Variants in SARM1 observed in about 807,000 individuals in gnomAD.
SARM1 encodes the protein sterile alpha and TIR motif containing 1, also known as NAD(+) hydrolase SARM1.
In SARM1, 60 loss-of-function variants were observed where a neutral mutation model predicts 65.1. The ratio of observed to expected loss-of-function variants is 0.92; its 90% CI spans 0.75 to 1.14. SARM1 has a LOEUF of 1.14. Among genes scored for constraint, SARM1 ranks in the 50% most tolerant of loss-of-function variants. SARM1 has a pLI of 0.00. For synonymous variants in SARM1, 417 were observed against 465.4 expected, an observed-to-expected ratio of 0.90 and a Z score of 1.34; for missense variants, 913 against 1,015.7, an observed-to-expected ratio of 0.90 and a Z score of 1.37.
At chr17:28,389,138 A>G (rs1555586563) in intron 7 of SARM1, among the ~76,000 whole-genome samples, 1 of 152,236 alleles carries the variant, frequency 6.6e-6, no homozygotes, top group African/African-American at 2.4e-5. Context: ...AGAATGGAAT[A>G]GTTGTTGAGA....
At position 28,381,269 on chromosome 17, in the gene SARM1, G is replaced by C. The variant is rs781870467; in HGVS notation, c.537G>C (p.Glu179Asp). 1.2e-6 allele frequency: 2 copies of C among 1,610,074 alleles called. No individual in the cohort carries two copies. The highest frequency in any genetic ancestry group is 1.3e-5 in the African/African-American group (1 of 75,024). The change falls in exon 2 of 9, where the codon GAG (glutamate) becomes GAC (aspartate). Residue 179 changes from glutamate to aspartate, a missense_variant. Physicochemically the swap from Glu to Asp is conservative, Grantham distance 45. Transcript: ENST00000585482. ...LNLAKEREPVELARSVAGILE... is the reference protein window; with the variant it reads ...LNLAKEREPVDLARSVAGILE... ...TGGCGAAGGAACGCGAACCCGTAGA[G>C]CTGGCGCGGAGCGTGGCAGGCATCT...
At chr17:28,388,033 C>T (rs1023383766) in intron 5 of SARM1, 141 bp from the exon 6 acceptor site, 5 of 664,184 alleles carry the variant, frequency 7.5e-6, no homozygotes, top group African/African-American at 7.2e-5. Flanking sequence ...CCCCATTTCT[C>T]CTTTTTGGGG....
Position 28,399,975 on chromosome 17 carries a change from C to T in SARM1, c.*3689C>T. On this transcript the variant is annotated 3_prime_UTR_variant, in exon 9 of 9. Coordinates refer to ENST00000585482, the MANE Select transcript of SARM1 (RefSeq NM_015077.4). Reference sequence around the variant, plus strand: ...GTGACATAATCATAGCTCACTGTACCCTTGAACTCCTGGGCTCAAGTGATC... The same window carrying T: ...GTGACATAATCATAGCTCACTGTACTCTTGAACTCCTGGGCTCAAGTGATC... The T allele has an allele frequency of 2.2e-6, 1 of 459,016 alleles. No homozygotes were observed. Among genetic ancestry groups the T allele is most frequent in the Non-Finnish European group, 4.0e-6 (1 of 250,256 alleles). 28.4% of individuals were successfully genotyped at this position (459,016 alleles called of 1,614,324 possible).
In SARM1 at chr17:28,384,675, TG is replaced by T; in HGVS notation, c.1302+111del. The stretch of plus-strand genomic sequence containing the variant: ...AATCCCGCGGCGCCAGGGTCGCTTT[TG>T]GGGGCGGGGAGCCTGTACGCAGCCA... On this transcript the variant is annotated intron_variant, in intron 3 of 8. Transcript: ENST00000585482. The surrounding 1 kb of genome is among the most constrained non-coding windows in gnomAD (Gnocchi z 4.4). The T allele has an allele frequency of 7.5e-7, 1 of 1,324,648 alleles. No individual in the cohort carries two copies. The highest frequency in any genetic ancestry group is 1.0e-6 in the Non-Finnish European group (1 of 965,568). 82.1% of individuals were successfully genotyped at this position (1,324,648 alleles called of 1,614,324 possible).
At chr17:28,381,851 A>T (rs1202857732) in intron 2 of SARM1, 30 bp downstream of exon 2, 2 of 1,407,462 alleles carry the variant, frequency 1.4e-6, no homozygotes, top group Non-Finnish European at 1.8e-6. Flanking sequence ...TGGGTGGATC[A>T]GGGGTTAGAG....
Position 28,402,081 on chromosome 17 carries a change from G to A in SARM1, c.*5795G>A, listed in dbSNP as rs1567816737. ...AAGGTGGCATGATCCTCTGCCCATT[G>A]TGGGCAATTTCACAGAAATGTGTTT... is the stretch of plus-strand genomic sequence containing the variant. On this transcript the variant is annotated 3_prime_UTR_variant, in exon 9 of 9. Transcript: ENST00000585482. The A allele has an allele frequency of 6.5e-6, 4 of 615,778 alleles. No homozygotes were observed. Among genetic ancestry groups the A allele is most frequent in the Non-Finnish European group, 1.1e-5 (4 of 358,220 alleles). 38.1% of individuals were successfully genotyped at this position (615,778 alleles called of 1,614,324 possible). A position where few individuals can be genotyped will look rare whatever the true frequency, so the allele number is the denominator to read the frequency against.
chr17:28,387,956 T>C lies in SARM1; in HGVS notation c.1631-218T>C, dbSNP rs548942469. ...AGGGCTGGAAGTGCATGCATATCAA[T>C]GTCCCTAGAACACAGTGCCTGCCTC... On this transcript the variant is annotated intron_variant, in intron 5 of 8. Transcript: ENST00000585482. 29 of 576,620 alleles carry C rather than the reference T, an allele frequency of 5.0e-5. 1 individual carries two copies. Among genetic ancestry groups the C allele is most frequent in the South Asian group, 4.1e-4 (19 of 46,766 alleles). The allele number at this position is 576,620 out of a possible 1,614,324, so 35.7% of individuals were successfully genotyped here. A position where few individuals can be genotyped will look rare whatever the true frequency, so the allele number is the denominator to read the frequency against.
rs781822674 is a variant in SARM1, at chr17:28,396,004, G to A, written c.2023G>A (p.Val675Met). The change falls in exon 8 of 9, where the codon GTG (valine) becomes ATG (methionine). Residue 675 changes from valine to methionine, a missense_variant. Transcript: ENST00000585482. ...PQVLPEDMQAVLTFNGIKWSH... is the reference protein window; with the variant it reads ...PQVLPEDMQAMLTFNGIKWSH... Reference sequence around the variant, plus strand: ...GGTCCTGCCTGAGGACATGCAGGCTGTGCTTACTTTCAACGGTATCAAGTG... The same window carrying A: ...GGTCCTGCCTGAGGACATGCAGGCTATGCTTACTTTCAACGGTATCAAGTG... 1.2e-6 allele frequency: 2 copies of A among 1,613,936 alleles called. No homozygotes were observed. Among genetic ancestry groups the A allele is most frequent in the South Asian group, 1.1e-5 (1 of 91,082 alleles).
At chr17:28,374,846 A>C (rs559285349) in intron 1 of SARM1, among the ~76,000 whole-genome samples, 1 of 151,376 alleles carries the variant, frequency 6.6e-6, no homozygotes, top group African/African-American at 2.4e-5. Context: ...GCGTGATGGC[A>C]TGCACAGTCC....
intron 1 of SARM1, among the ~76,000 whole-genome samples, chr17:28,380,086 CTT>C (rs1315908845): frequency 1.1e-5 from 1 of 93,874 alleles, no homozygotes; most frequent in Non-Finnish European, 2.3e-5. Context: ...CTCTCTCTCT[CTT>C]TTTTTTTTTT....
rs2068038309 is a variant in SARM1 at position 28,384,267 on chromosome 17, G to A, written c.1090-90G>A. 7.3e-6 allele frequency: 8 copies of A among 1,103,328 alleles called. No homozygotes were observed. The South Asian group carries it at 1.3e-4, about 18-fold the overall frequency. 68.3% of individuals were successfully genotyped at this position (1,103,328 alleles called of 1,614,324 possible). ...AGGGCAGATGGAGAGACTTTGGGTT[G>A]TGAGAAGAGACAAGGAGAGGGACTG... On this transcript the variant is annotated intron_variant, in intron 2 of 8. Transcript: ENST00000585482. This position sits in a 1 kb window ranked among gnomAD's most constrained non-coding sequence, Gnocchi z 4.4.
chr17:28,395,643 T>C, intron 7 of SARM1: 1 of 400,884 alleles, frequency 2.5e-6, no homozygotes, highest in Non-Finnish European at 4.6e-6. Flanking sequence ...CAGTGGGGAA[T>C]CATCTCTTTA....
rs117025558 is a variant in SARM1, at chr17:28,393,560, G to A, written c.1924-2345G>A. ...GTGAGATCCTGTTCCCCTGCCCCCCGCCAAAAAAAAAAAAGAAAGAAAGAA... is the reference window on the plus strand; with the variant it reads ...GTGAGATCCTGTTCCCCTGCCCCCCACCAAAAAAAAAAAAGAAAGAAAGAA... On this transcript the variant is annotated intron_variant, in intron 7 of 8. Coordinates refer to ENST00000585482, the MANE Select transcript of SARM1 (RefSeq NM_015077.4). 9.7e-3 allele frequency among the ~76,000 whole-genome samples: 1,434 copies of A among 148,432 alleles called. 9 individuals carry two copies. Among genetic ancestry groups the A allele is most frequent in the Middle Eastern group, 0.017 (5 of 290 alleles).
At position 28,372,349 on chromosome 17, in the gene SARM1, C is replaced by G; in HGVS notation, c.317C>G (p.Pro106Arg). 2 of 1,499,268 alleles carry G rather than the reference C, an allele frequency of 1.3e-6. No homozygotes were observed. The highest frequency in any genetic ancestry group is 1.8e-6 in the Non-Finnish European group (2 of 1,130,196). 92.9% of individuals were successfully genotyped at this position (1,499,268 alleles called of 1,614,324 possible). A position where few individuals can be genotyped will look rare whatever the true frequency, so the allele number is the denominator to read the frequency against. Residue 106 changes from proline (P) to arginine (R), a missense_variant, in exon 1 of 9, where the codon CCG (proline) becomes CGG (arginine). Pro to Arg is a moderately radical substitution (Grantham distance 103). This residue lies in a region of SARM1 where 862 missense variants were observed against 952.1 expected (regional missense o/e 0.91). Transcript: ENST00000585482. The surrounding 1 kb of genome is among the most constrained non-coding windows in gnomAD (Gnocchi z 5.2). ...FQLVEEAWLL[P>R]AVGREVAQGL... Reference sequence around the variant, plus strand: ...CTGGTGGAGGAGGCCTGGCTGCTGCCGGCCGTGGGCCGCGAGGTAGCCCAG... The same window carrying G: ...CTGGTGGAGGAGGCCTGGCTGCTGCGGGCCGTGGGCCGCGAGGTAGCCCAG...
intron 6 of SARM1, 37 bp downstream of exon 6, chr17:28,388,313 G>C: frequency 2.5e-6 from 4 of 1,607,142 alleles, no homozygotes; most frequent in Non-Finnish European, 3.4e-6. Context: ...GGGGCGTGGG[G>C]ACAAGGCTGT....
Position 28,384,411 on chromosome 17 carries a change from A to G in SARM1, c.1144A>G (p.Thr382Ala). 1.2e-6 allele frequency: 2 copies of G among 1,612,600 alleles called. No homozygotes were observed. The highest frequency in any genetic ancestry group is 1.3e-5 in the African/African-American group (1 of 75,028). The change falls in exon 3 of 9, where the codon ACC (threonine) becomes GCC (alanine). Residue 382 changes from threonine to alanine, a missense_variant. Physicochemically the swap from Thr to Ala is moderately conservative, Grantham distance 58 (BLOSUM62 0). Transcript: ENST00000585482. The surrounding 1 kb of genome is among the most constrained non-coding windows in gnomAD (Gnocchi z 4.4). Reference sequence around the variant, plus strand: ...CCTGAAACGCCTGGTTTCCTACTCTACCAATGGCACTAAGTCGGCGCTGGC... The same window carrying G: ...CCTGAAACGCCTGGTTTCCTACTCTGCCAATGGCACTAAGTCGGCGCTGGC... ...QSLKRLVSYS[T>A]NGTKSALAKR...
intron 1 of SARM1, among the ~76,000 whole-genome samples, chr17:28,376,403 CAAAAAAAAAAA>C (rs58695374): frequency 1.2e-5 from 1 of 84,012 alleles, no homozygotes; most frequent in African/African-American, 4.6e-5. Flanking sequence ...ACTAAAAATA[CAAAAAAAAAAA>C]AAAAAAAAAA....
At position 28,401,022 on chromosome 17, in the gene SARM1, C is replaced by A. The variant is rs190939546; in HGVS notation, c.*4736C>A. ...TAAAAGTACATGTGATCTGACAGAA[C>A]CCAGCACATAAAAGAAAAAAAAAGT... On this transcript the variant is annotated 3_prime_UTR_variant, in exon 9 of 9. Transcript: ENST00000585482. 59 of 441,600 alleles carry A rather than the reference C, an allele frequency of 1.3e-4. No homozygotes were observed. The East Asian group carries it at 2.2e-3, about 16-fold the overall frequency. 27.4% of individuals were successfully genotyped at this position (441,600 alleles called of 1,614,324 possible). A position where few individuals can be genotyped will look rare whatever the true frequency, so the allele number is the denominator to read the frequency against.
Position 28,402,449 on chromosome 17 carries a change from G to T in SARM1, c.*6163G>T. ...TAGACCCAGGAAGAACTTCCTTGATGGTGAGGGTGGGAAGACAGTAGTCAA... is the reference window on the plus strand; with the variant it reads ...TAGACCCAGGAAGAACTTCCTTGATTGTGAGGGTGGGAAGACAGTAGTCAA... On this transcript the variant is annotated 3_prime_UTR_variant, in exon 9 of 9. Coordinates refer to ENST00000585482, the MANE Select transcript of SARM1 (RefSeq NM_015077.4). 1.4e-6 allele frequency: 1 copy of T among 724,902 alleles called. No individual in the cohort carries two copies. The highest frequency in any genetic ancestry group is 2.3e-6 in the Non-Finnish European group (1 of 428,814). 44.9% of individuals were successfully genotyped at this position (724,902 alleles called of 1,614,324 possible).
Sources: allele counts gnomAD v4.1 joint callset (sites outside exome capture counted in the v4.1 genomes callset), GRCh38; gene constraint gnomAD v4.1.1; regional missense constraint gnomAD v4.1.1; non-coding constraint Gnocchi (gnomAD v3.1); transcripts MANE v1.5; gene names NCBI Gene and HGNC (gene_info 2026-07-23, HGNC 2026-07-21).